TANC1: variants seen among roughly 807,000 people sequenced by gnomAD.
The protein encoded by TANC1 is protein TANC1.
In TANC1, 77 loss-of-function variants were observed where a neutral mutation model predicts 149.7. The observed-to-expected ratio is 0.51, with a 90% CI of 0.43 to 0.62. The LOEUF (loss-of-function observed/expected upper bound fraction) is 0.62. TANC1 is among the 20% of genes least tolerant of loss of function. The pLI is 0.00. For synonymous variants in TANC1, 854 were observed against 925.0 expected (o/e 0.92, Z 1.39); for missense variants, 1,985 against 2,321.8 (o/e 0.85, Z 2.98).
chr2:159,034,007 G>A (rs2039986007), intron 2 of TANC1, among the ~76,000 whole-genome samples: 1 of 152,228 alleles, frequency 6.6e-6, no homozygotes, highest in African/African-American at 2.4e-5. Flanking sequence ...TGAAATCATA[G>A]TGGCAAATAC....
At chr2:159,025,106 TATCTC>T (rs1559144066) in intron 2 of TANC1, among the ~76,000 whole-genome samples, 1 of 152,164 alleles carries the variant, frequency 6.6e-6, no homozygotes, top group East Asian at 1.9e-4. Context: ...ACATTCCCAT[TATCTC>T]ATATAGTTAA....
chr2:159,226,730 G>A (rs1435924510), intron 24 of TANC1: 4 of 152,094 alleles, frequency 2.6e-5, no homozygotes, highest in Non-Finnish European at 4.4e-5. Context: ...AACTTTTTTT[G>A]TAAAGGGCCA....
At chr2:159,112,387 C>T (rs1353117888) in intron 4 of TANC1, among the ~76,000 whole-genome samples, 1 of 152,064 alleles carries the variant, frequency 6.6e-6, no homozygotes, top group African/African-American at 2.4e-5. Flanking sequence ...TCCCAAGTAG[C>T]TGGGACTATG....
chr2:159,212,235 G>C (rs1226141553), intron 19 of TANC1, among the ~76,000 whole-genome samples: 1 of 152,192 alleles, frequency 6.6e-6, no homozygotes, highest in African/African-American at 2.4e-5. Flanking sequence ...TCATGCAAAG[G>C]CCCTGCCTCT....
chr2:158,968,692 A>G lies in TANC1; in HGVS notation c.-216A>G. 1 of 152,152 alleles carries G rather than the reference A, an allele frequency of 6.6e-6. No individual in the cohort carries two copies. Among genetic ancestry groups the G allele is most frequent in the Non-Finnish European group, 1.5e-5 (1 of 68,084 alleles). 9.4% of individuals were successfully genotyped at this position (152,152 alleles called of 1,614,324 possible). A position where few individuals can be genotyped will look rare whatever the true frequency, so the allele number is the denominator to read the frequency against. ...GCGGCCGCCTCGGGAGCCGGAGGAG[A>G]GGCAGCCGCGGAGCGCCGAGCTGGC... On this transcript the variant is annotated 5_prime_UTR_variant, in exon 1 of 27. Transcript: ENST00000263635.
intron 2 of TANC1, among the ~76,000 whole-genome samples, chr2:159,008,700 A>G (rs1249703905): frequency 5.3e-5 from 8 of 152,240 alleles, no homozygotes; most frequent in Non-Finnish European, 1.2e-4. Flanking sequence ...TTTACTGCAT[A>G]TATCAAATAA....
chr2:158,974,907 ATTTT>A (rs3028258), intron 1 of TANC1, among the ~76,000 whole-genome samples: 2 of 103,288 alleles, frequency 1.9e-5, no homozygotes, highest in Admixed American at 1.2e-4. Context: ...TAATTTTTGT[ATTTT>A]TTTTTTTTTT....
At chr2:159,056,785 C>G (rs969387014) in intron 2 of TANC1, 49 of 347,580 alleles carry the variant, frequency 1.4e-4, no homozygotes, top group Non-Finnish European at 3.0e-5. Context: ...TTGTTCTTCC[C>G]GTCCATGAAG....
intron 15 of TANC1, 23 bp from the exon 16 acceptor site, chr2:159,186,879 A>T (rs2057014056): frequency 6.2e-7 from 1 of 1,613,956 alleles, no homozygotes; most frequent in African/African-American, 1.3e-5. Flanking sequence ...ATTGTTTCCA[A>T]GATCTGTCTC....
intron 4 of TANC1, among the ~76,000 whole-genome samples, chr2:159,109,318 G>A (rs2150010453): frequency 6.6e-6 from 1 of 152,288 alleles, no homozygotes; most frequent in Non-Finnish European, 1.5e-5. Context: ...CTGAAACATG[G>A]GGTAATAATG....
intron 1 of TANC1, among the ~76,000 whole-genome samples, chr2:158,982,029 AT>A (rs11322522): frequency 0.15 from 22,687 of 151,240 alleles, 2,241 homozygotes; most frequent in East Asian, 0.41. Context: ...TGCTATTTAC[AT>A]TTTTTTTTCC....
At chr2:158,970,657 T>C (rs2032730431) in intron 1 of TANC1, among the ~76,000 whole-genome samples, 1 of 152,208 alleles carries the variant, frequency 6.6e-6, no homozygotes, top group East Asian at 1.9e-4. Flanking sequence ...GGAAGTATGG[T>C]ATCTGATATC....
intron 19 of TANC1, among the ~76,000 whole-genome samples, chr2:159,210,216 G>A (rs1214367098): frequency 6.6e-6 from 1 of 152,134 alleles, no homozygotes; most frequent in Non-Finnish European, 1.5e-5. Context: ...CAGCTTCTGT[G>A]TGCGCTGACC....
intron 4 of TANC1, among the ~76,000 whole-genome samples, chr2:159,108,023 G>A (rs2047359280): frequency 6.6e-6 from 1 of 152,182 alleles, no homozygotes; most frequent in Non-Finnish European, 1.5e-5. Flanking sequence ...TGGTGATGGA[G>A]CATAGGTAAG....
chr2:158,975,244 C>T (rs943161726), intron 1 of TANC1, among the ~76,000 whole-genome samples: 1 of 151,586 alleles, frequency 6.6e-6, no homozygotes, highest in Non-Finnish European at 1.5e-5. Context: ...TATTTTCTAA[C>T]CTAGGTTTGT....
At chr2:159,136,116 A>G (rs1437411959) in intron 4 of TANC1, 78 bp from the exon 5 acceptor site, 1 of 882,224 alleles carries the variant, frequency 1.1e-6, no homozygotes, top group Non-Finnish European at 1.9e-6. Context: ...GGGTCCTGGT[A>G]AGGACACACA....
At chr2:159,153,993 C>T (rs2053155975) in intron 7 of TANC1, among the ~76,000 whole-genome samples, 1 of 152,152 alleles carries the variant, frequency 6.6e-6, no homozygotes, top group South Asian at 2.1e-4. Context: ...TGGTGAGGAC[C>T]CATGCTCCCA....
At chr2:158,980,162 C>A (rs940234434) in intron 1 of TANC1, among the ~76,000 whole-genome samples, 2 of 152,030 alleles carry the variant, frequency 1.3e-5, no homozygotes, top group Non-Finnish European at 2.9e-5. Context: ...CCAAAGTAAA[C>A]CAGGTATTTT....
At position 158,981,489 on chromosome 2, in the gene TANC1, T is replaced by TTTTA. The variant is rs1491326661; in HGVS notation, c.-126+12709_-126+12712dup. Among the ~76,000 whole-genome samples, 14 of 51,684 alleles carry TTTTA rather than the reference T, an allele frequency of 2.7e-4. 1 individual carries two copies. In the East Asian group the frequency reaches 0.011, roughly 39 times the overall value. 33.9% of individuals were successfully genotyped at this position (51,684 alleles called of 152,430 possible). A position where few individuals can be genotyped will look rare whatever the true frequency, so the allele number is the denominator to read the frequency against. ...AAAAGTTTAGCAATTAATATATAGC[T>TTTTA]TTTATATATATATATATATATATAT... On this transcript the variant is annotated intron_variant, in intron 1 of 26. Coordinates refer to ENST00000263635, the MANE Select transcript of TANC1 (RefSeq NM_033394.3).
Sources: allele counts gnomAD v4.1 joint callset (sites outside exome capture counted in the v4.1 genomes callset), GRCh38; gene constraint gnomAD v4.1.1; transcripts MANE v1.5; gene names NCBI Gene and HGNC (gene_info 2026-07-23, HGNC 2026-07-21).